RP1: variants seen among roughly 807,000 people sequenced by gnomAD.
RP1 encodes the protein oxygen-regulated protein 1.
In RP1, 16 loss-of-function variants were observed where a neutral mutation model predicts 14.8. The observed-to-expected ratio is 1.08, with a 90% confidence interval of 0.73 to 1.65. RP1 has a LOEUF of 1.65. Among genes scored for constraint, RP1 ranks in the 40% most tolerant of loss-of-function variants. The pLI is 0.00. For missense variants in RP1, 2,631 were observed against 2,535.0 expected, an observed-to-expected ratio of 1.04 and a Z score of -0.81; for synonymous variants, 876 against 883.6, an observed-to-expected ratio of 0.99 and a Z score of 0.15.
At chr8:54,631,934 T>G (rs1004223628), downstream of RP1, among the ~76,000 whole-genome samples, 12 of 152,056 alleles carry the variant, frequency 7.9e-5, no homozygotes, top group Admixed American at 5.9e-4. Flanking sequence ...CCCTGCCTCC[T>G]GGGTTCAGGT....
Position 54,625,846 on chromosome 8 carries a change from C to T in RP1, c.1964C>T (p.Thr655Ile), listed in dbSNP as rs567582875. The stretch of plus-strand genomic sequence containing the variant: ...AATGAATTTGCTCAGTGTGGTTTAA[C>T]AAAACTTCCAAAAAATGAAAAGAAG... The part of the protein sequence containing the change: ...LINEFAQCGL[T>I]KLPKNEKKIL... The change falls in exon 4 of 4, where the codon ACA becomes ATA. Residue 655 changes from threonine (T) to isoleucine (I), a missense_variant. By Grantham distance (89) the Thr-to-Ile change is moderately conservative. Coordinates refer to ENST00000220676, the MANE Select transcript of RP1 (RefSeq NM_006269.2). 2 of 1,613,396 alleles carry T rather than the reference C, an allele frequency of 1.2e-6. No homozygotes were observed. Among genetic ancestry groups the T allele is most frequent in the East Asian group, 2.2e-5 (1 of 44,854 alleles).
downstream of RP1, among the ~76,000 whole-genome samples, chr8:54,632,325 C>T (rs897958113): frequency 3.3e-5 from 5 of 152,142 alleles, no homozygotes; most frequent in Admixed American, 6.5e-5. Context: ...TTTGGCAATA[C>T]TATTACACCA....
rs1423842762 is a variant in RP1, at chr8:54,605,614, G to T, written c.-12-15341G>T. On this transcript the variant is annotated intron_variant, in intron 1 of 22. Transcript: ENST00000636932. ...ATCCTTGTTAACTTTCTGTCTCGTT[G>T]ATCTGTCTAATGCTGACAGTGGGGT... Among the ~76,000 whole-genome samples, 16 of 152,236 alleles carry T rather than the reference G, an allele frequency of 1.1e-4. No homozygotes were observed. The South Asian group carries it at 1.9e-3, about 18-fold the overall frequency.
chr8:54,738,502 G>A (rs1448450608), intron 18 of RP1, among the ~76,000 whole-genome samples: 4 of 152,016 alleles, frequency 2.6e-5, no homozygotes, highest in African/African-American at 9.7e-5. Flanking sequence ...AGAGTACAAG[G>A]AAGTTCTAGA....
intron 18 of RP1, chr8:54,734,834 C>G (rs1259537643): frequency 2.9e-6 from 3 of 1,043,560 alleles, no homozygotes; most frequent in Non-Finnish European, 3.9e-6. Context: ...GTGTGTGTCT[C>G]CTATATAAAA....
chr8:54,592,203 T>C (rs866887900), intron 1 of RP1, among the ~76,000 whole-genome samples: 1 of 152,236 alleles, frequency 6.6e-6, no homozygotes, highest in Non-Finnish European at 1.5e-5. Flanking sequence ...GGGCAAAGAA[T>C]GTTTCCTCCT....
chr8:54,586,709 C>T (rs1463853358), intron 1 of RP1, among the ~76,000 whole-genome samples: 2 of 152,220 alleles, frequency 1.3e-5, no homozygotes, highest in African/African-American at 4.8e-5. Flanking sequence ...CGCCCCTCCC[C>T]CAGCCTCGCT....
At chr8:54,643,814 T>C (rs1294642511) in intron 3 of RP1, among the ~76,000 whole-genome samples, 26 of 152,188 alleles carry the variant, frequency 1.7e-4, no homozygotes, top group Non-Finnish European at 1.5e-5. Context: ...CATCTTTGTG[T>C]AGCACTCTTC....
Position 54,624,651 on chromosome 8 carries a change from A to G in RP1, c.788-19A>G. ...TTATATTTTGATGTGGGCACCTTTT[A>G]CTCTTAAAATCTTTAAAGTAAGCAC... On this transcript the variant is annotated intron_variant, in intron 3 of 3. Transcript: ENST00000220676. 2 of 1,612,506 alleles carry G rather than the reference A, an allele frequency of 1.2e-6. No individual in the cohort carries two copies. Among genetic ancestry groups the G allele is most frequent in the South Asian group, 1.1e-5 (1 of 90,992 alleles).
chr8:54,678,618 T>C, intron 9 of RP1: 1 of 1,094,886 alleles, frequency 9.1e-7, no homozygotes, highest in East Asian at 2.7e-5. Context: ...GTAACTTATT[T>C]AGTTGTTCCT....
intron 1 of RP1, among the ~76,000 whole-genome samples, chr8:54,575,192 C>T (rs1277767513): frequency 6.6e-6 from 1 of 152,064 alleles, no homozygotes; most frequent in Non-Finnish European, 1.5e-5. Flanking sequence ...AGATACAAAT[C>T]CTTCACCCCA....
chr8:54,857,823 C>T (rs560105133), intron 27 of RP1, among the ~76,000 whole-genome samples: 1 of 152,270 alleles, frequency 6.6e-6, no homozygotes, highest in African/African-American at 2.4e-5. Flanking sequence ...CCAGGCACAG[C>T]TATCAACCAA....
intron 24 of RP1, among the ~76,000 whole-genome samples, chr8:54,806,723 A>C (rs1469462723): frequency 6.6e-6 from 1 of 152,216 alleles, no homozygotes; most frequent in Non-Finnish European, 1.5e-5. Context: ...GGAATGGCTC[A>C]TATATTTGCC....
At chr8:54,660,363 A>G (rs1291173983) in intron 6 of RP1, among the ~76,000 whole-genome samples, 5 of 152,022 alleles carry the variant, frequency 3.3e-5, no homozygotes, top group African/African-American at 1.2e-4. Flanking sequence ...TTCTTTTCCT[A>G]GTTTGTTGAG....
chr8:54,831,632 A>G (rs1811531983), intron 24 of RP1, among the ~76,000 whole-genome samples: 1 of 151,674 alleles, frequency 6.6e-6, no homozygotes, highest in African/African-American at 2.4e-5. Flanking sequence ...AAAACATCCT[A>G]TTCCTCATTA....
chr8:54,805,409 T>C (rs549525830), intron 24 of RP1, among the ~76,000 whole-genome samples: 1 of 152,340 alleles, frequency 6.6e-6, no homozygotes, highest in East Asian at 1.9e-4. Context: ...AAATAAAATT[T>C]GTGCTCTCAA....
intron 12 of RP1, among the ~76,000 whole-genome samples, chr8:54,698,599 T>C (rs1388224900): frequency 6.6e-6 from 1 of 152,198 alleles, no homozygotes; most frequent in Non-Finnish European, 1.5e-5. Flanking sequence ...GTATGTTTAT[T>C]GCAGCACTGT....
chr8:54,714,687 C>G (rs1211710581), intron 15 of RP1, among the ~76,000 whole-genome samples: 1 of 152,180 alleles, frequency 6.6e-6, no homozygotes, highest in Non-Finnish European at 1.5e-5. Flanking sequence ...TAATAAAACT[C>G]CAGTCTCCCA....
At chr8:54,586,068 G>T (rs142171591) in intron 1 of RP1, among the ~76,000 whole-genome samples, 2 of 152,292 alleles carry the variant, frequency 1.3e-5, no homozygotes, top group South Asian at 4.2e-4. Context: ...AGGAGGAGAG[G>T]TGCTCTCATT....
Sources: gnomAD v4.1 joint callset for allele counts (sites outside exome capture counted in the v4.1 genomes callset) on GRCh38, gnomAD v4.1.1 for gene constraint, MANE v1.5 for transcripts, NCBI Gene and HGNC (gene_info 2026-07-23, HGNC 2026-07-21) for gene names.